Variants in SAP30L observed in about 807,000 individuals in gnomAD.
SAP30L encodes the protein histone deacetylase complex subunit SAP30L.
A neutral mutation model predicts 22.3 loss-of-function variants in SAP30L; 10 were observed. That is an observed-to-expected ratio of 0.45 (90% CI 0.28 to 0.76). The LOEUF (loss-of-function observed/expected upper bound fraction) is 0.76. SAP30L is among the 30% of genes least tolerant of loss of function. The probability of loss-of-function intolerance (pLI) is 0.14; values close to 1 mark genes in which losing one functional copy is unlikely to be tolerated. For synonymous variants in SAP30L, 91 were observed against 94.1 expected (o/e 0.97, Z 0.19); for missense variants, 206 against 237.9 (o/e 0.87, Z 0.88).
chr5:154,453,507 A>G lies in SAP30L; in HGVS notation c.423+7A>G. The stretch of plus-strand genomic sequence containing the variant: ...TAAGGCCCAGTTAGCAGAAGTAGGT[A>G]GACAAAATTGCCCTCTAAAGAGAGC... On this transcript the variant is annotated splice_region_variant and intron_variant, in intron 3 of 3. Coordinates refer to ENST00000297109, the MANE Select transcript of SAP30L (RefSeq NM_024632.6). 2.5e-6 allele frequency: 4 copies of G among 1,592,846 alleles called. No individual in the cohort carries two copies. Among genetic ancestry groups the G allele is most frequent in the Non-Finnish European group, 3.4e-6 (4 of 1,160,456 alleles).
rs1292108708 is a variant in SAP30L, at chr5:154,446,653, G to A, written c.49G>A (p.Ala17Thr). The change falls in exon 1 of 4, where the codon GCC (alanine) becomes ACC (threonine). Residue 17 changes from alanine (A) to threonine (T), a missense_variant. Coordinates refer to ENST00000297109, the MANE Select transcript of SAP30L (RefSeq NM_024632.6). ...GGACAGCCGCGAAGGGCCCCCCGCCGCCCCAGCTGCCGCCGCCCCGGGCTA... is the reference window on the plus strand; with the variant it reads ...GGACAGCCGCGAAGGGCCCCCCGCCACCCCAGCTGCCGCCGCCCCGGGCTA... ...EEDSREGPPA[A>T]PAAAAPGYGQ... 3 of 1,539,482 alleles carry A rather than the reference G, an allele frequency of 1.9e-6. No individual in the cohort carries two copies. The highest frequency in any genetic ancestry group is 2.6e-6 in the Non-Finnish European group (3 of 1,146,086).
chr5:154,453,636 T>G (rs1306603339), intron 3 of SAP30L, 136 bp downstream of exon 3: 10 of 652,494 alleles, frequency 1.5e-5, no homozygotes. Flanking sequence ...GTATTCCTCT[T>G]TGGCAATTTA....
intron 1 of SAP30L, among the ~76,000 whole-genome samples, chr5:154,447,504 G>A (rs867542938): frequency 6.6e-6 from 1 of 152,216 alleles, no homozygotes; most frequent in African/African-American, 2.4e-5. Flanking sequence ...AACTCCTCCC[G>A]TGTGACTTCA....
intron 1 of SAP30L, among the ~76,000 whole-genome samples, chr5:154,448,492 G>A (rs79034785): frequency 0.016 from 2,451 of 152,332 alleles, 29 homozygotes; most frequent in Middle Eastern, 0.041. Context: ...TAGGTCACAC[G>A]TTGAGGTGAA....
At position 154,455,973 on chromosome 5, in the gene SAP30L, A is replaced by G. The variant is rs763133412; in HGVS notation, c.497A>G (p.Lys166Arg). The stretch of plus-strand genomic sequence containing the variant: ...CTTGCCTACTTCATCTACATGGTGA[A>G]GAGTAACAAGAGTAGACTGGACCAG... ...ETLAYFIYMV[K>R]SNKSRLDQKS... is the part of the protein sequence containing the mutation. Residue 166 changes from lysine to arginine, a missense_variant, in exon 4 of 4, where the codon AAG becomes AGG. Around this residue, in one of 2 missense-constraint regions of SAP30L, gnomAD observed 136 missense variants for 187.4 expected, o/e 0.73. Coordinates refer to ENST00000297109, the MANE Select transcript of SAP30L (RefSeq NM_024632.6). 6.2e-7 allele frequency: 1 copy of G among 1,614,170 alleles called. No individual in the cohort carries two copies. Among genetic ancestry groups the G allele is most frequent in the East Asian group, 2.2e-5 (1 of 44,880 alleles).
intron 1 of SAP30L, among the ~76,000 whole-genome samples, chr5:154,447,969 C>CTTTTTTTTTTTTTT (rs140213326): frequency 1.8e-4 from 16 of 88,374 alleles, no homozygotes; most frequent in Non-Finnish European, 2.0e-4. Flanking sequence ...TTTTCTTTTT[C>CTTTTTTTTTTTTTT]TTTTTTTTTT....
At position 154,446,251 on chromosome 5, in the gene SAP30L, G is replaced by A. The variant is rs1252270321; in HGVS notation, c.-354G>A. 6 of 214,618 alleles carry A rather than the reference G, an allele frequency of 2.8e-5. No individual in the cohort carries two copies. Among genetic ancestry groups the A allele is most frequent in the Non-Finnish European group, 5.5e-5 (6 of 109,036 alleles). 13.3% of individuals were successfully genotyped at this position (214,618 alleles called of 1,614,324 possible). ...CGAAACCCCCTGGCAACCCAGGCCC[G>A]GAGTCCTTGGGGAGCGGCTGTTTCC... is the stretch of plus-strand genomic sequence containing the variant. On this transcript the variant is annotated 5_prime_UTR_variant, in exon 1 of 4. Transcript: ENST00000297109.
chr5:154,453,435 C>A lies in SAP30L; in HGVS notation c.358C>A (p.Arg120=). 2 of 1,614,006 alleles carry A rather than the reference C, an allele frequency of 1.2e-6. No homozygotes were observed. The highest frequency in any genetic ancestry group is 1.7e-6 in the Non-Finnish European group (2 of 1,179,914). Reference sequence around the variant, plus strand: ...GTTCCAGCTGCAGGTGAACACCCTACGACGTTATAAACGACACTACAAGTT... The same window carrying A: ...GTTCCAGCTGCAGGTGAACACCCTAAGACGTTATAAACGACACTACAAGTT... ...DLFQLQVNTL[R]RYKRHYKLQT... Residue 120 remains arginine (R), a synonymous_variant, in exon 3 of 4, where the codon CGA becomes AGA. Coordinates refer to ENST00000297109, the MANE Select transcript of SAP30L (RefSeq NM_024632.6).
intron 1 of SAP30L, among the ~76,000 whole-genome samples, 167 bp downstream of exon 1, chr5:154,446,972 A>AT (rs1436114205): frequency 5.3e-5 from 8 of 152,208 alleles, no homozygotes; most frequent in African/African-American, 1.9e-4. Context: ...CAGCGCTGAC[A>AT]TGCTCTGACT....
chr5:154,446,341 TCCGGGTGACC>T lies in SAP30L; in HGVS notation c.-261_-252del, dbSNP rs1368179713. Reference sequence around the variant, plus strand: ...TTCTGGGCCCCCGGCAGAAGGCTCCTCCGGGTGACCCCCGGCGGGGCCCTGCGAGCCGCGG... The same window carrying T: ...TTCTGGGCCCCCGGCAGAAGGCTCCTCCCGGCGGGGCCCTGCGAGCCGCGG... On this transcript the variant is annotated 5_prime_UTR_variant, in exon 1 of 4. Transcript: ENST00000297109. 2.7e-6 allele frequency: 1 copy of T among 368,194 alleles called. No individual in the cohort carries two copies. The highest frequency in any genetic ancestry group is 4.2e-5 in the East Asian group (1 of 23,868). 22.8% of individuals were successfully genotyped at this position (368,194 alleles called of 1,614,324 possible). A position where few individuals can be genotyped will look rare whatever the true frequency, so the allele number is the denominator to read the frequency against.
At chr5:154,447,026 G>A (rs1757032770) in intron 1 of SAP30L, among the ~76,000 whole-genome samples, 1 of 152,264 alleles carries the variant, frequency 6.6e-6, no homozygotes, top group African/African-American at 2.4e-5. Context: ...GGGGCTTCAG[G>A]ACTCCTGCTG....
chr5:154,450,840 T>C (rs1757122201), intron 1 of SAP30L, among the ~76,000 whole-genome samples: 1 of 152,228 alleles, frequency 6.6e-6, no homozygotes, highest in Non-Finnish European at 1.5e-5. Flanking sequence ...CTTCCTTTGC[T>C]GAATCTGTAC....
At position 154,454,307 on chromosome 5, in the gene SAP30L, G is replaced by A. The variant is rs376437310; in HGVS notation, c.423+807G>A. Among the ~76,000 whole-genome samples the A allele has an allele frequency of 1.2e-3, 185 of 152,228 alleles. 1 individual carries two copies. The highest frequency in any genetic ancestry group is 4.3e-3 in the African/African-American group (177 of 41,530). ...GAGTTATTAACACAGTTTGGATTAC[G>A]GGGAAATGCTCCACTGGCCATTTTT... On this transcript the variant is annotated intron_variant, in intron 3 of 3. Transcript: ENST00000297109.
chr5:154,448,627 C>T (rs1460728046), intron 1 of SAP30L, among the ~76,000 whole-genome samples: 3 of 152,168 alleles, frequency 2.0e-5, no homozygotes, highest in Non-Finnish European at 4.4e-5. Context: ...TCTTCCAGTC[C>T]TTTTAGATCA....
Position 154,455,890 on chromosome 5 carries a change from C to G in SAP30L, c.424-10C>G. ...GGTTTAAGGAACTTTGGTATTTTCC[C>G]CCCACATAGACTGTGAGTCGACACT... is the stretch of plus-strand genomic sequence containing the variant. On this transcript the variant is annotated splice_polypyrimidine_tract_variant and intron_variant, in intron 3 of 3. Coordinates refer to ENST00000297109, the MANE Select transcript of SAP30L (RefSeq NM_024632.6). 1 of 1,601,456 alleles carries G rather than the reference C, an allele frequency of 6.2e-7. No homozygotes were observed. Among genetic ancestry groups the G allele is most frequent in the Non-Finnish European group, 8.5e-7 (1 of 1,176,166 alleles).
chr5:154,447,440 G>T (rs758478917), intron 1 of SAP30L, among the ~76,000 whole-genome samples: 4 of 152,226 alleles, frequency 2.6e-5, no homozygotes, highest in African/African-American at 7.2e-5. Flanking sequence ...AAATAAGGGG[G>T]TGGATATTTA....
At position 154,446,661 on chromosome 5, in the gene SAP30L, TGCCGCCGCCCCGGGCTACGGCCAGA is replaced by T; in HGVS notation, c.60_84del (p.Pro23SerfsTer38). The T allele has an allele frequency of 6.5e-7, 1 of 1,546,794 alleles. No homozygotes were observed. The highest frequency in any genetic ancestry group is 8.7e-7 in the Non-Finnish European group (1 of 1,149,764). On this transcript the variant is annotated frameshift_variant, in exon 1 of 4. Coordinates refer to ENST00000297109, the MANE Select transcript of SAP30L (RefSeq NM_024632.6). LOFTEE classifies it high-confidence loss of function. ...GCGAAGGGCCCCCCGCCGCCCCAGC[TGCCGCCGCCCCGGGCTACGGCCAGA>T]GCTGCTGCCTCATCGAGGACGGCGA...
At chr5:154,451,611 C>CA (rs1431294069) in intron 2 of SAP30L, among the ~76,000 whole-genome samples, 1 of 151,988 alleles carries the variant, frequency 6.6e-6, no homozygotes, top group East Asian at 1.9e-4. Flanking sequence ...GTCTTTTCCC[C>CA]AAAAAATGAA....
rs190785654 is a variant in SAP30L at position 154,447,386 on chromosome 5, G to A, written c.201+581G>A. Among the ~76,000 whole-genome samples, 33 of 152,358 alleles carry A rather than the reference G, an allele frequency of 2.2e-4. 1 individual carries two copies. In the East Asian group the frequency reaches 6.0e-3, roughly 28 times the overall value. On this transcript the variant is annotated intron_variant, in intron 1 of 3. Coordinates refer to ENST00000297109, the MANE Select transcript of SAP30L (RefSeq NM_024632.6). ...GCTCTTGCAGTCGATGTGACTGGAG[G>A]GGGGAAGAAAAGAAATCAATTTTCT...
Sources: gnomAD v4.1 joint callset for allele counts (sites outside exome capture counted in the v4.1 genomes callset) on GRCh38, gnomAD v4.1.1 for gene constraint, gnomAD v4.1.1 regional missense constraint, MANE v1.5 for transcripts, NCBI Gene and HGNC (gene_info 2026-07-23, HGNC 2026-07-21) for gene names.